The following BCKDK variants were observed in gnomAD, a reference collection of about 807,000 sequenced individuals.
The protein encoded by BCKDK is branched chain keto acid dehydrogenase kinase, also known as branched-chain alpha-ketoacid dehydrogenase kinase.
BCKDK carries 28 observed loss-of-function variants against 43.9 expected under a neutral mutation model. The ratio of observed to expected loss-of-function variants is 0.64; its 90% confidence interval spans 0.47 to 0.87. The LOEUF is 0.87. BCKDK is among the 40% of genes least tolerant of loss of function. The probability of loss-of-function intolerance (pLI) is 0.00; values close to 1 mark genes in which losing one functional copy is unlikely to be tolerated. For missense variants in BCKDK, 483 were observed against 581.4 expected (o/e 0.83, Z 1.74); for synonymous variants, 257 against 234.3 (o/e 1.10, Z -0.88).
chr16:31,116,594 A>ATAGGGGAAG (rs2057447246), downstream of BCKDK, among the ~76,000 whole-genome samples: 1 of 151,698 alleles, frequency 6.6e-6, no homozygotes, highest in African/African-American at 2.4e-5. Context: ...TGTATCCCAA[A>ATAGGGGAAG]TAGGGGAAGT....
chr16:31,110,202 C>T lies in BCKDK; in HGVS notation c.424-3C>T, dbSNP rs773005683. ...CCCTTCCTCATGACTCTGTGACCTG[C>T]AGATCAAGGACCAGGCGGACGAGGC... is the stretch of plus-strand genomic sequence containing the variant. On this transcript the variant is annotated splice_polypyrimidine_tract_variant and splice_region_variant and intron_variant, in intron 5 of 11. Coordinates refer to ENST00000219794, the MANE Select transcript of BCKDK (RefSeq NM_005881.4). This position sits in a 1 kb window ranked among gnomAD's most constrained non-coding sequence, Gnocchi z 5.4. The T allele has an allele frequency of 6.2e-7, 1 of 1,613,996 alleles. No individual in the cohort carries two copies. The highest frequency in any genetic ancestry group is 1.3e-5 in the African/African-American group (1 of 74,904).
In BCKDK at chr16:31,110,540, T is replaced by G. The variant is rs1239163485; in HGVS notation, c.642+41T>G. 4 of 1,606,870 alleles carry G rather than the reference T, an allele frequency of 2.5e-6. No homozygotes were observed. The highest frequency in any genetic ancestry group is 3.4e-6 in the Non-Finnish European group (4 of 1,173,986). On this transcript the variant is annotated intron_variant, in intron 7 of 11. Coordinates refer to ENST00000219794, the MANE Select transcript of BCKDK (RefSeq NM_005881.4). This position sits in a 1 kb window ranked among gnomAD's most constrained non-coding sequence, Gnocchi z 5.4. ...CTGAGACCCACCTGGGAACATTAAG[T>G]GAGACAGAGGAGACTGGGCTGGGGA...
chr16:31,115,485 AGTG>A (rs1200420856), downstream of BCKDK, among the ~76,000 whole-genome samples: 1 of 151,700 alleles, frequency 6.6e-6, no homozygotes, highest in Non-Finnish European at 1.5e-5. Flanking sequence ...GGCCTCCCAA[AGTG>A]GTGGGATTAC....
At chr16:31,115,273 A>T (rs2057439488), downstream of BCKDK, among the ~76,000 whole-genome samples, 1 of 133,396 alleles carries the variant, frequency 7.5e-6, no homozygotes, top group African/African-American at 2.9e-5. Flanking sequence ...CCCAGGCTGG[A>T]GTGCAATGGC....
In BCKDK at chr16:31,112,516, C is replaced by T. The variant is rs1025250504; in HGVS notation, c.*251C>T. On this transcript the variant is annotated 3_prime_UTR_variant, in exon 12 of 12. Transcript: ENST00000219794. The surrounding 1 kb of genome is among the most constrained non-coding windows in gnomAD (Gnocchi z 5.0). Reference sequence around the variant, plus strand: ...CAGCACCAGTTCCGTCATTCTCGTTCCTGGGGAACCCCCACTCTGACCTGT... The same window carrying T: ...CAGCACCAGTTCCGTCATTCTCGTTTCTGGGGAACCCCCACTCTGACCTGT... 6 of 612,866 alleles carry T rather than the reference C, an allele frequency of 9.8e-6. No individual in the cohort carries two copies. Among genetic ancestry groups the T allele is most frequent in the Non-Finnish European group, 1.7e-5 (6 of 344,100 alleles). The allele number at this position is 612,866 out of a possible 1,614,324, so 38.0% of individuals were successfully genotyped here.
Position 31,110,361 on chromosome 16 carries a change from G to A in BCKDK, c.543+37G>A. ...AAAGGAGAGGCCGGGCCTGCTGGGG[G>A]TGGGAAGGGCACGGGATTCTGAGAC... On this transcript the variant is annotated intron_variant, in intron 6 of 11. Coordinates refer to ENST00000219794, the MANE Select transcript of BCKDK (RefSeq NM_005881.4). The surrounding 1 kb of genome is among the most constrained non-coding windows in gnomAD (Gnocchi z 5.4). 6.2e-7 allele frequency: 1 copy of A among 1,614,078 alleles called. No individual in the cohort carries two copies. The highest frequency in any genetic ancestry group is 8.5e-7 in the Non-Finnish European group (1 of 1,180,020).
chr16:31,111,720 T>G (rs975871571), intron 10 of BCKDK, 149 bp from the exon 11 acceptor site: 10 of 1,037,994 alleles, frequency 9.6e-6, no homozygotes, highest in Non-Finnish European at 1.4e-5. Flanking sequence ...GGGGTGAGGA[T>G]GATATAAACA....
At position 31,108,540 on chromosome 16, in the gene BCKDK, C is replaced by T. The variant is rs1318149626; in HGVS notation, c.-178+61C>T. On this transcript the variant is annotated intron_variant, in intron 1 of 11. Coordinates refer to ENST00000219794, the MANE Select transcript of BCKDK (RefSeq NM_005881.4). The surrounding 1 kb of genome is among the most constrained non-coding windows in gnomAD (Gnocchi z 6.2). ...AGGCCCCGCGGCGCACGTCCGCAGCCTCCATCACAGCGCGGGCGCGCAGAC... is the reference window on the plus strand; with the variant it reads ...AGGCCCCGCGGCGCACGTCCGCAGCTTCCATCACAGCGCGGGCGCGCAGAC... 1 of 152,172 alleles carries T rather than the reference C, an allele frequency of 6.6e-6. No homozygotes were observed. Among genetic ancestry groups the T allele is most frequent in the Non-Finnish European group, 1.5e-5 (1 of 68,054 alleles). 9.4% of individuals were successfully genotyped at this position (152,172 alleles called of 1,614,324 possible).
rs1274181688 is a variant in BCKDK, at chr16:31,112,102, T to C, written c.1095-19T>C. The C allele has an allele frequency of 1.2e-6, 2 of 1,606,732 alleles. No homozygotes were observed. The highest frequency in any genetic ancestry group is 1.7e-5 in the Admixed American group (1 of 59,604). On this transcript the variant is annotated intron_variant, in intron 11 of 11. Transcript: ENST00000219794. This position sits in a 1 kb window ranked among gnomAD's most constrained non-coding sequence, Gnocchi z 5.0. ...CAAGCCTCTGAAGCCTCCTGTCCTG[T>C]CCCCCTGCCCACCCCCAGCTTTGGC...
chr16:31,109,631 ACT>A lies in BCKDK; in HGVS notation c.265-40_265-39del. ...CGTGGATCCTGGAGCTCTCCCAGAC[ACT>A]CAGGCTCCAGCCCCGCCTTCCCTTC... is the stretch of plus-strand genomic sequence containing the variant. On this transcript the variant is annotated intron_variant, in intron 3 of 11. Coordinates refer to ENST00000219794, the MANE Select transcript of BCKDK (RefSeq NM_005881.4). This position sits in a 1 kb window ranked among gnomAD's most constrained non-coding sequence, Gnocchi z 5.3. 6.2e-7 allele frequency: 1 copy of A among 1,613,508 alleles called. No individual in the cohort carries two copies. The highest frequency in any genetic ancestry group is 1.3e-5 in the African/African-American group (1 of 75,012).
chr16:31,109,864 G>T lies in BCKDK; in HGVS notation c.375+81G>T. The T allele has an allele frequency of 6.7e-7, 1 of 1,485,136 alleles. No individual in the cohort carries two copies. Among genetic ancestry groups the T allele is most frequent in the Non-Finnish European group, 9.4e-7 (1 of 1,068,534 alleles). 92.0% of individuals were successfully genotyped at this position (1,485,136 alleles called of 1,614,324 possible). On this transcript the variant is annotated intron_variant, in intron 4 of 11. Coordinates refer to ENST00000219794, the MANE Select transcript of BCKDK (RefSeq NM_005881.4). This position sits in a 1 kb window ranked among gnomAD's most constrained non-coding sequence, Gnocchi z 5.3. ...GAGTCTGGGGCCCAGAGTGGCAGAC[G>T]ATTGCTTGCCTAAAGGTGTCAGGGC... is the stretch of plus-strand genomic sequence containing the variant.
chr16:31,109,614 C>G lies in BCKDK; in HGVS notation c.264+35C>G. 1.2e-6 allele frequency: 2 copies of G among 1,613,886 alleles called. No individual in the cohort carries two copies. Among genetic ancestry groups the G allele is most frequent in the South Asian group, 1.1e-5 (1 of 91,084 alleles). ...ACGCCCTCTATTTTCCTCGTGGATC[C>G]TGGAGCTCTCCCAGACACTCAGGCT... On this transcript the variant is annotated intron_variant, in intron 3 of 11. Coordinates refer to ENST00000219794, the MANE Select transcript of BCKDK (RefSeq NM_005881.4). The surrounding 1 kb of genome is among the most constrained non-coding windows in gnomAD (Gnocchi z 5.3).
Position 31,112,366 on chromosome 16 carries a change from AT to A in BCKDK, c.*102del. On this transcript the variant is annotated 3_prime_UTR_variant, in exon 12 of 12. Coordinates refer to ENST00000219794, the MANE Select transcript of BCKDK (RefSeq NM_005881.4). The surrounding 1 kb of genome is among the most constrained non-coding windows in gnomAD (Gnocchi z 5.0). The stretch of plus-strand genomic sequence containing the variant: ...GGCCCCCTGCTCCACACACTGCTGC[AT>A]CTTGGGTCTCAGGGACCCAGACAGA... 6.4e-7 allele frequency: 1 copy of A among 1,557,206 alleles called. No homozygotes were observed. Among genetic ancestry groups the A allele is most frequent in the Non-Finnish European group, 8.7e-7 (1 of 1,146,106 alleles).
Position 31,110,520 on chromosome 16 carries a change from A to T in BCKDK, c.642+21A>T. Reference sequence around the variant, plus strand: ...ACAAGGTGGGGCTCTGGGACCTGAGACCCACCTGGGAACATTAAGTGAGAC... The same window carrying T: ...ACAAGGTGGGGCTCTGGGACCTGAGTCCCACCTGGGAACATTAAGTGAGAC... On this transcript the variant is annotated intron_variant, in intron 7 of 11. Coordinates refer to ENST00000219794, the MANE Select transcript of BCKDK (RefSeq NM_005881.4). This position sits in a 1 kb window ranked among gnomAD's most constrained non-coding sequence, Gnocchi z 5.4. The T allele has an allele frequency of 7.5e-6, 12 of 1,609,990 alleles. No homozygotes were observed. Among genetic ancestry groups the T allele is most frequent in the Non-Finnish European group, 1.0e-5 (12 of 1,176,806 alleles).
rs554174460 is a variant in BCKDK, at chr16:31,110,569, G to A, written c.642+70G>A. The A allele has an allele frequency of 6.3e-5, 101 of 1,596,968 alleles. No individual in the cohort carries two copies. The highest frequency in any genetic ancestry group is 7.6e-5 in the Non-Finnish European group (89 of 1,165,302). The stretch of plus-strand genomic sequence containing the variant: ...ACAGAGGAGACTGGGCTGGGGATCC[G>A]GGTCAAGGGCCTGGGGGCTGAGGCT... On this transcript the variant is annotated intron_variant, in intron 7 of 11. Transcript: ENST00000219794. The surrounding 1 kb of genome is among the most constrained non-coding windows in gnomAD (Gnocchi z 5.4).
In BCKDK at chr16:31,110,932, G is replaced by C. The variant is rs2057406828; in HGVS notation, c.717-159G>C. 2.2e-6 allele frequency: 3 copies of C among 1,356,526 alleles called. No homozygotes were observed. Among genetic ancestry groups the C allele is most frequent in the South Asian group, 2.7e-5 (2 of 75,140 alleles). 84.0% of individuals were successfully genotyped at this position (1,356,526 alleles called of 1,614,324 possible). Reference sequence around the variant, plus strand: ...ACAGGGGCTGCCCCGTGCACGTTAGGAAGTTCAGCAGCATCCCTGGCGCCA... The same window carrying C: ...ACAGGGGCTGCCCCGTGCACGTTAGCAAGTTCAGCAGCATCCCTGGCGCCA... On this transcript the variant is annotated intron_variant, in intron 8 of 11. Coordinates refer to ENST00000219794, the MANE Select transcript of BCKDK (RefSeq NM_005881.4). The surrounding 1 kb of genome is among the most constrained non-coding windows in gnomAD (Gnocchi z 5.4).
At chr16:31,114,801 C>T (rs2057437444), downstream of BCKDK, among the ~76,000 whole-genome samples, 1 of 152,200 alleles carries the variant, frequency 6.6e-6, no homozygotes, top group Admixed American at 6.5e-5. Flanking sequence ...AATCTGCAGG[C>T]GCTCAAGTCC....
At chr16:31,111,729 C>G in intron 10 of BCKDK, 140 bp from the exon 11 acceptor site, 1 of 1,150,274 alleles carries the variant, frequency 8.7e-7, no homozygotes, top group Non-Finnish European at 1.3e-6. Flanking sequence ...ATGATATAAA[C>G]AAGGCCCAAG....
downstream of BCKDK, among the ~76,000 whole-genome samples, chr16:31,113,898 A>T (rs1408433533): frequency 6.6e-6 from 1 of 152,158 alleles, no homozygotes; most frequent in African/African-American, 2.4e-5. Flanking sequence ...GGGGAAGGGG[A>T]GGAAGCCAAG....
Sources: gnomAD v4.1 joint callset for allele counts (sites outside exome capture counted in the v4.1 genomes callset) on GRCh38, gnomAD v4.1.1 for gene constraint, Gnocchi (gnomAD v3.1) non-coding constraint, MANE v1.5 for transcripts, NCBI Gene and HGNC (gene_info 2026-07-23, HGNC 2026-07-21) for gene names.